Variants in DTNA observed in about 807,000 individuals in gnomAD.
DTNA encodes the protein dystrobrevin alpha.
Under a neutral mutation model 100.7 loss-of-function variants are expected in DTNA, and 43 were observed. That is an observed-to-expected ratio of 0.43 (90% CI 0.33 to 0.55). DTNA has a LOEUF of 0.55. DTNA is among the 20% of genes least tolerant of loss of function. DTNA has a pLI of 0.04. For missense variants in DTNA, 798 were observed against 953.9 expected, an observed-to-expected ratio of 0.84 and a Z score of 2.15; for synonymous variants, 349 against 347.9, an observed-to-expected ratio of 1.00 and a Z score of -0.04.
intron 1 of DTNA, among the ~76,000 whole-genome samples, chr18:34,741,476 A>C (rs889296087): frequency 6.6e-6 from 1 of 152,168 alleles, no homozygotes; most frequent in Admixed American, 6.5e-5. Flanking sequence ...ATATATTGAC[A>C]CTTAAATGGT....
At chr18:34,731,767 G>A (rs1188598348) in intron 1 of DTNA, among the ~76,000 whole-genome samples, 1 of 152,206 alleles carries the variant, frequency 6.6e-6, no homozygotes, top group East Asian at 1.9e-4. Context: ...GCCTTGTACA[G>A]TGCCTGGCCC....
chr18:34,732,732 G>A (rs1269516255), intron 1 of DTNA, among the ~76,000 whole-genome samples: 3 of 152,194 alleles, frequency 2.0e-5, no homozygotes, highest in African/African-American at 7.2e-5. Flanking sequence ...ATGTTAGTAG[G>A]AATATTAGAT....
At chr18:34,555,690 G>A (rs533789390) in intron 1 of DTNA, among the ~76,000 whole-genome samples, 94 of 152,282 alleles carry the variant, frequency 6.2e-4, no homozygotes, top group African/African-American at 2.1e-3. Flanking sequence ...GCGGTTTTGA[G>A]TGAGATTCTT....
At chr18:34,550,659 C>T (rs370155642) in intron 1 of DTNA, among the ~76,000 whole-genome samples, 164 of 152,140 alleles carry the variant, frequency 1.1e-3, no homozygotes, top group African/African-American at 3.8e-3. Context: ...TAGTTTTGTT[C>T]TAGTGTTCTT....
At chr18:34,496,703 G>A (rs560472147) in intron 1 of DTNA, among the ~76,000 whole-genome samples, 110 of 152,278 alleles carry the variant, frequency 7.2e-4, no homozygotes, top group African/African-American at 2.6e-3. Flanking sequence ...ATGATTACTT[G>A]TAAGTTGAGC....
In DTNA at chr18:34,763,908, TC is replaced by T. The variant is rs138592295; in HGVS notation, c.68-2049del. ...TAAAAAAAGTCAAGGAGAAGCTACC[TC>T]CCCAGCTAAATTTTAAAGTCCATGA... On this transcript the variant is annotated intron_variant, in intron 2 of 22. Transcript: ENST00000444659. Among the ~76,000 whole-genome samples, 1,332 of 152,282 alleles carry T rather than the reference TC, an allele frequency of 8.7e-3. 12 individuals carry two copies. The highest frequency in any genetic ancestry group is 0.031 in the African/African-American group (1,294 of 41,540).
intron 5 of DTNA, among the ~76,000 whole-genome samples, chr18:34,808,601 A>G (rs2095420177): frequency 1.3e-5 from 2 of 152,214 alleles, no homozygotes; most frequent in Non-Finnish European, 2.9e-5. Context: ...CAATGTCAGC[A>G]CAGTTACAAA....
chr18:34,653,939 C>T (rs1200561095), intron 1 of DTNA, among the ~76,000 whole-genome samples: 1 of 152,202 alleles, frequency 6.6e-6, no homozygotes, highest in Non-Finnish European at 1.5e-5. Flanking sequence ...GATACATTGT[C>T]TCACTTCAGC....
rs574760595 is a variant in DTNA at position 34,623,951 on chromosome 18, A to C, written c.-2+130437A>C. 6.6e-5 allele frequency among the ~76,000 whole-genome samples: 10 copies of C among 152,286 alleles called. No homozygotes were observed. The East Asian group carries it at 1.9e-3, about 29-fold the overall frequency. ...GCTTTCATAACAGGAAAATGCTCAT[A>C]TTTTCAGCTCAAGTTCTTAAGTGGG... On this transcript the variant is annotated intron_variant, in intron 1 of 19. Transcript: ENST00000283365.
intron 1 of DTNA, among the ~76,000 whole-genome samples, chr18:34,748,617 A>C (rs1316722439): frequency 2.6e-5 from 4 of 152,058 alleles, no homozygotes. Flanking sequence ...GTTTGCTGTA[A>C]GTTTTTGGCT....
At chr18:34,768,140 T>C (rs980558432) in intron 3 of DTNA, among the ~76,000 whole-genome samples, 11 of 152,132 alleles carry the variant, frequency 7.2e-5, no homozygotes, top group Non-Finnish European at 1.3e-4. Flanking sequence ...CACGTTCTTA[T>C]CATGTGTTAC....
intron 4 of DTNA, among the ~76,000 whole-genome samples, chr18:34,803,964 G>GAAA (rs2095294183): frequency 6.6e-6 from 1 of 152,158 alleles, no homozygotes; most frequent in Non-Finnish European, 1.5e-5. Flanking sequence ...AAGTAATTCA[G>GAAA]AAAACATCAT....
intron 1 of DTNA, among the ~76,000 whole-genome samples, chr18:34,751,833 A>G (rs900483166): frequency 6.6e-6 from 1 of 152,210 alleles, no homozygotes; most frequent in South Asian, 2.1e-4. Context: ...CAAAGTTGTG[A>G]GCTTCTTGAA....
chr18:34,785,655 A>G (rs1052704093), intron 3 of DTNA, among the ~76,000 whole-genome samples: 1 of 152,250 alleles, frequency 6.6e-6, no homozygotes, highest in African/African-American at 2.4e-5. Context: ...GTATGTATAT[A>G]TAAATGTCAA....
intron 1 of DTNA, among the ~76,000 whole-genome samples, chr18:34,710,773 C>A (rs1226554853): frequency 6.6e-6 from 1 of 151,832 alleles, no homozygotes; most frequent in East Asian, 1.9e-4. Flanking sequence ...CAGCGTAGAC[C>A]TGAACAAAGT....
chr18:34,851,308 GCC>G (rs1442969648), intron 14 of DTNA, among the ~76,000 whole-genome samples: 2 of 152,072 alleles, frequency 1.3e-5, no homozygotes, highest in African/African-American at 4.8e-5. Context: ...CCCCATGTTG[GCC>G]AGACTGGTCT....
intron 1 of DTNA, among the ~76,000 whole-genome samples, chr18:34,659,633 GACACACACAC>G (rs58171317): frequency 2.0e-5 from 3 of 146,880 alleles, no homozygotes; most frequent in Non-Finnish European, 4.5e-5. Context: ...GACACACACA[GACACACACAC>G]ACACACACAC....
rs944216135 is a variant in DTNA at position 34,890,524 on chromosome 18, G to A, written c.*2790G>A. ...GGTTGTTTCTTTCTTGTTCCACAAT[G>A]AATTGCACATCCATCTCCATCAGAG... is the stretch of plus-strand genomic sequence containing the variant. On this transcript the variant is annotated 3_prime_UTR_variant, in exon 23 of 23. Coordinates refer to ENST00000444659, the MANE Select transcript of DTNA (RefSeq NM_001386795.1). 8.5e-6 allele frequency: 13 copies of A among 1,522,622 alleles called. No individual in the cohort carries two copies. The highest frequency in any genetic ancestry group is 7.9e-6 in the Non-Finnish European group (9 of 1,137,328). 94.3% of individuals were successfully genotyped at this position (1,522,622 alleles called of 1,614,324 possible). A position where few individuals can be genotyped will look rare whatever the true frequency, so the allele number is the denominator to read the frequency against.
At chr18:34,877,226 C>T (rs931757254) in intron 18 of DTNA, among the ~76,000 whole-genome samples, 1 of 152,102 alleles carries the variant, frequency 6.6e-6, no homozygotes, top group Admixed American at 6.5e-5. Flanking sequence ...CTCCAAGAGC[C>T]CTGATAGGAG....
Sources: allele counts gnomAD v4.1 joint callset (sites outside exome capture counted in the v4.1 genomes callset), GRCh38; gene constraint gnomAD v4.1.1; transcripts MANE v1.5; gene names NCBI Gene and HGNC (gene_info 2026-07-23, HGNC 2026-07-21).